The following GALNT18 variants were observed in gnomAD, a reference collection of about 807,000 sequenced individuals.
GALNT18 encodes GalNAc-transferase 18.
A neutral mutation model predicts 69.5 loss-of-function variants in GALNT18; 44 were observed. The observed-to-expected ratio is 0.63, with a 90% CI of 0.50 to 0.81. The LOEUF is 0.81. GALNT18 is among the 40% of genes least tolerant of loss of function. The pLI is 0.00. For missense variants in GALNT18, 715 were observed against 810.0 expected (o/e 0.88, Z 1.42); for synonymous variants, 364 against 318.2 (o/e 1.14, Z -1.53).
chr11:11,376,411 A>G (rs1442021881), intron 5 of GALNT18, among the ~76,000 whole-genome samples: 2 of 111,046 alleles, frequency 1.8e-5, no homozygotes, highest in Non-Finnish European at 4.3e-5. Flanking sequence ...GACAGAAATA[A>G]AAACTAGTGG....
At position 11,538,420 on chromosome 11, in the gene GALNT18, G is replaced by A. The variant is rs976644797; in HGVS notation, c.235+82939C>T. Among the ~76,000 whole-genome samples the A allele has an allele frequency of 2.6e-5, 4 of 152,220 alleles. No individual in the cohort carries two copies. The highest frequency in any genetic ancestry group is 7.2e-5 in the African/African-American group (3 of 41,460). ...CCACCCGGGGTGTCTGTCCCCAGAC[G>A]TGGACACCAGCCAACATGCTGGGCT... On this transcript the variant is annotated intron_variant, in intron 1 of 10. Transcript: ENST00000227756. This position sits in a 1 kb window ranked among gnomAD's most constrained non-coding sequence, Gnocchi z 5.2.
intron 1 of GALNT18, among the ~76,000 whole-genome samples, chr11:11,458,758 T>C (rs1855976662): frequency 6.6e-6 from 1 of 152,238 alleles, no homozygotes; most frequent in Non-Finnish European, 1.5e-5. Flanking sequence ...CTGTGTCGCC[T>C]TCACGGCCTG....
Position 11,432,621 on chromosome 11 carries a change from C to A in GALNT18, c.595G>T (p.Glu199Ter), listed in dbSNP as rs746409394. Residue 199 changes from glutamate (E) to a stop codon, truncating the protein, a stop_gained and splice_region_variant, in exon 3 of 11, where the codon GAG (glutamate) becomes TAG (stop). Transcript: ENST00000227756. LOFTEE classifies it high-confidence loss of function. The surrounding 1 kb of genome is among the most constrained non-coding windows in gnomAD (Gnocchi z 5.8). ...GGCCCTGGGAAGCTCCGACACTCACCGTTACTGCTGTTGTCATCCACCAGA... is the reference window on the plus strand; with the variant it reads ...GGCCCTGGGAAGCTCCGACACTCACAGTTACTGCTGTTGTCATCCACCAGA... The part of the protein sequence containing the change: ...IILVDDNSSN[E>*]ELKEKLTEYV... The A allele has an allele frequency of 6.2e-7, 1 of 1,604,818 alleles. No individual in the cohort carries two copies. Among genetic ancestry groups the A allele is most frequent in the Non-Finnish European group, 8.5e-7 (1 of 1,175,452 alleles).
intron 6 of GALNT18, among the ~76,000 whole-genome samples, chr11:11,370,359 C>T (rs1850870684): frequency 6.6e-6 from 1 of 152,104 alleles, no homozygotes; most frequent in African/African-American, 2.4e-5. Context: ...TCATCAAACA[C>T]GAAAGAAAGA....
Position 11,589,450 on chromosome 11 carries a change from A to C in GALNT18, c.235+31909T>G, listed in dbSNP as rs140580451. On this transcript the variant is annotated intron_variant, in intron 1 of 10. Coordinates refer to ENST00000227756, the MANE Select transcript of GALNT18 (RefSeq NM_198516.3). ...CATCTTCACATTTTGCCGTATTGCTAAAAATGACTCCAAATATGAATCAAA... is the reference window on the plus strand; with the variant it reads ...CATCTTCACATTTTGCCGTATTGCTCAAAATGACTCCAAATATGAATCAAA... Among the ~76,000 whole-genome samples, 989 of 152,132 alleles carry C rather than the reference A, an allele frequency of 6.5e-3. 15 individuals carry two copies. The highest frequency in any genetic ancestry group is 0.023 in the African/African-American group (939 of 41,358).
chr11:11,379,722 G>A (rs948957502), intron 3 of GALNT18, among the ~76,000 whole-genome samples: 1 of 152,170 alleles, frequency 6.6e-6, no homozygotes, highest in African/African-American at 2.4e-5. Context: ...CCCAGGGGAA[G>A]ATCCCTCTGC....
intron 9 of GALNT18, among the ~76,000 whole-genome samples, chr11:11,311,942 C>T (rs773443683): frequency 2.1e-4 from 32 of 152,268 alleles, no homozygotes; most frequent in Middle Eastern, 6.8e-3. Context: ...CTCCCCATGC[C>T]GTTGGAAATC....
chr11:11,474,223 A>G (rs1230817264), intron 1 of GALNT18, among the ~76,000 whole-genome samples: 2 of 152,240 alleles, frequency 1.3e-5, no homozygotes, highest in African/African-American at 2.4e-5. Flanking sequence ...GGTCATAGGA[A>G]GGACCCATTT....
At chr11:11,448,978 C>T (rs1057313031) in intron 1 of GALNT18, 42 bp from the exon 2 acceptor site, 1 of 1,441,278 alleles carries the variant, frequency 6.9e-7, no homozygotes, top group African/African-American at 1.4e-5. Context: ...CAGAGTGCAC[C>T]CCTGCATGTG....
intron 1 of GALNT18, among the ~76,000 whole-genome samples, chr11:11,579,280 C>G (rs553463351): frequency 6.6e-6 from 1 of 152,256 alleles, no homozygotes; most frequent in South Asian, 2.1e-4. Flanking sequence ...CTAGGGAGCC[C>G]TGAGTCGAGC....
intron 9 of GALNT18, among the ~76,000 whole-genome samples, chr11:11,326,135 C>G (rs981837310): frequency 6.6e-6 from 1 of 151,466 alleles, no homozygotes; most frequent in Non-Finnish European, 1.5e-5. Flanking sequence ...AGCTCTGCCT[C>G]CCGGGTTCAC....
intron 1 of GALNT18, among the ~76,000 whole-genome samples, chr11:11,531,371 T>C (rs1469249516): frequency 6.6e-6 from 1 of 152,172 alleles, no homozygotes; most frequent in African/African-American, 2.4e-5. Flanking sequence ...GTTCCCCTCA[T>C]CCTTCCCCAG....
At chr11:11,352,787 C>G (rs1368502754) in intron 6 of GALNT18, 1 of 1,613,948 alleles carries the variant, frequency 6.2e-7, no homozygotes, top group Non-Finnish European at 8.5e-7. Context: ...GTTCAAAAAC[C>G]AAGGCGGGGG....
rs1201875388 is a variant in GALNT18, at chr11:11,605,569, T to C, written c.235+15790A>G. ...AGCCAGAGGCCAACTTCCCTTTACCTCTGGGGTCCCAAGCACTCTGTTTCC... is the reference window on the plus strand; with the variant it reads ...AGCCAGAGGCCAACTTCCCTTTACCCCTGGGGTCCCAAGCACTCTGTTTCC... On this transcript the variant is annotated intron_variant, in intron 1 of 10. Transcript: ENST00000227756. This position sits in a 1 kb window ranked among gnomAD's most constrained non-coding sequence, Gnocchi z 4.7. 6.6e-6 allele frequency among the ~76,000 whole-genome samples: 1 copy of C among 152,114 alleles called. No homozygotes were observed. Among genetic ancestry groups the C allele is most frequent in the Non-Finnish European group, 1.5e-5 (1 of 68,020 alleles).
rs1015711261 is a variant in GALNT18 at position 11,590,683 on chromosome 11, G to A, written c.235+30676C>T. On this transcript the variant is annotated intron_variant, in intron 1 of 10. Transcript: ENST00000227756. This position sits in a 1 kb window ranked among gnomAD's most constrained non-coding sequence, Gnocchi z 4.4. Reference sequence around the variant, plus strand: ...TACAGTCACCCACCGCATGACGTTCGCTCAATGACAGAACACATATACAAT... The same window carrying A: ...TACAGTCACCCACCGCATGACGTTCACTCAATGACAGAACACATATACAAT... Among the ~76,000 whole-genome samples the A allele has an allele frequency of 2.0e-5, 3 of 152,098 alleles. No individual in the cohort carries two copies. Among genetic ancestry groups the A allele is most frequent in the African/African-American group, 4.8e-5 (2 of 41,412 alleles).
At chr11:11,462,076 A>G (rs1480127102) in intron 1 of GALNT18, among the ~76,000 whole-genome samples, 1 of 152,184 alleles carries the variant, frequency 6.6e-6, no homozygotes, top group African/African-American at 2.4e-5. Flanking sequence ...GTCAGATTAC[A>G]GATCGTGGGG....
At position 11,340,830 on chromosome 11, in the gene GALNT18, T is replaced by C. The variant is rs922742422; in HGVS notation, c.1267A>G (p.Ile423Val). 4 of 1,610,884 alleles carry C rather than the reference T, an allele frequency of 2.5e-6. No homozygotes were observed. Among genetic ancestry groups the C allele is most frequent in the South Asian group, 1.1e-5 (1 of 90,400 alleles). ...FKSHVYMAWNIPQEDSGIDIG... is the reference protein window; with the variant it reads ...FKSHVYMAWNVPQEDSGIDIG... ...CCGGAGATCCCTACCTCCTGCGGTA[T>C]GTTCCATGCCATGTAGACGTGGCTT... Residue 423 changes from isoleucine to valine, a missense_variant, in exon 7 of 11, where the codon ATA (isoleucine) becomes GTA (valine). By Grantham distance (29) the Ile-to-Val change is conservative (BLOSUM62 3). Transcript: ENST00000227756. The surrounding 1 kb of genome is among the most constrained non-coding windows in gnomAD (Gnocchi z 4.2).
At chr11:11,284,908 GTTTTTTTT>G (rs58795517) in intron 10 of GALNT18, among the ~76,000 whole-genome samples, 18 of 82,822 alleles carry the variant, frequency 2.2e-4, no homozygotes, top group African/African-American at 9.7e-4. Flanking sequence ...AGACTTTCGT[GTTTTTTTT>G]TTTTTTTTTT....
chr11:11,535,105 C>T (rs898002202), intron 1 of GALNT18, among the ~76,000 whole-genome samples: 1 of 152,212 alleles, frequency 6.6e-6, no homozygotes, highest in African/African-American at 2.4e-5. Flanking sequence ...AGATCCCTTC[C>T]AAAGTCCCGT....
Sources: gnomAD v4.1 joint callset for allele counts (sites outside exome capture counted in the v4.1 genomes callset) on GRCh38, gnomAD v4.1.1 for gene constraint, Gnocchi (gnomAD v3.1) non-coding constraint, MANE v1.5 for transcripts, NCBI Gene and HGNC (gene_info 2026-07-23, HGNC 2026-07-21) for gene names.